CYP7A1: variants seen among roughly 807,000 people sequenced by gnomAD.
The protein encoded by CYP7A1 is cytochrome P450 7A1.
CYP7A1 carries 28 observed loss-of-function variants against 43.8 expected under a neutral mutation model. That is an observed-to-expected ratio of 0.64 (90% CI 0.47 to 0.88). CYP7A1 has a LOEUF of 0.88. Ranked by LOEUF, CYP7A1 falls within the 40% of genes least tolerant of loss-of-function variation. The pLI, the probability that CYP7A1 is intolerant of heterozygous loss-of-function variation, is 0.00. For missense variants in CYP7A1, 637 were observed against 611.9 expected, an observed-to-expected ratio of 1.04 and a Z score of -0.43; for synonymous variants, 227 against 222.5, an observed-to-expected ratio of 1.02 and a Z score of -0.18.
In CYP7A1 at chr8:58,492,598, C is replaced by T. The variant is rs1585641272; in HGVS notation, c.1040-70G>A. The T allele has an allele frequency of 4.5e-6, 6 of 1,345,606 alleles. No individual in the cohort carries two copies. The Admixed American group carries it at 5.6e-5, about 13-fold the overall frequency. The allele number at this position is 1,345,606 out of a possible 1,614,324, so 83.4% of individuals were successfully genotyped here. ...GGGAGGAAGGAAGAGAAGAACAAAC[C>T]AAGTGTTTGAAGGTCATATGATATA... On this transcript the variant is annotated intron_variant, in intron 4 of 5. Coordinates refer to ENST00000301645, the MANE Select transcript of CYP7A1 (RefSeq NM_000780.4).
At position 58,490,412 on chromosome 8, in the gene CYP7A1, C is replaced by T. The variant is rs184686288; in HGVS notation, c.*1063G>A. ...ACCTTAGTTTTTTTCATCTGCAAGT[C>T]ATTTAGCGATAAAAAGCATTTAAAT... On this transcript the variant is annotated 3_prime_UTR_variant, in exon 6 of 6. Transcript: ENST00000301645. The T allele has an allele frequency of 3.3e-5, 5 of 152,236 alleles. No homozygotes were observed. The East Asian group carries it at 9.6e-4, about 29-fold the overall frequency. The allele number at this position is 152,236 out of a possible 1,614,324, so 9.4% of individuals were successfully genotyped here.
chr8:58,494,602 C>T lies in CYP7A1; in HGVS notation c.943G>A (p.Val315Met), dbSNP rs147153175. ...PEAMKAATEE[V>M]KRTLENAGQK... ...CCAGCATTCTCTAATGTTCTTTTCA[C>T]TTCTTCAGTAGCTGCTTTCATTGCT... Residue 315 changes from valine (V) to methionine (M), a missense_variant, in exon 4 of 6, where the codon GTG (valine) becomes ATG (methionine). Val to Met is a conservative substitution (Grantham distance 21). Coordinates refer to ENST00000301645, the MANE Select transcript of CYP7A1 (RefSeq NM_000780.4). 1.7e-4 allele frequency: 272 copies of T among 1,613,944 alleles called. No individual in the cohort carries two copies. The highest frequency in any genetic ancestry group is 2.1e-4 in the Non-Finnish European group (252 of 1,179,982).
chr8:58,494,640 T>G lies in CYP7A1; in HGVS notation c.909-4A>C, dbSNP rs886044353. 6.2e-7 allele frequency: 1 copy of G among 1,613,738 alleles called. No homozygotes were observed. On this transcript the variant is annotated splice_polypyrimidine_tract_variant and splice_region_variant and intron_variant, in intron 3 of 5. Coordinates refer to ENST00000301645, the MANE Select transcript of CYP7A1 (RefSeq NM_000780.4). ...TGCTTTCATTGCTTCTGGGTTCCTATTAAAAGGTAAGAGAAAACATGTATG... is the reference window on the plus strand; with the variant it reads ...TGCTTTCATTGCTTCTGGGTTCCTAGTAAAAGGTAAGAGAAAACATGTATG...
In CYP7A1 at chr8:58,496,984, G is replaced by A. The variant is rs200845487; in HGVS notation, c.528C>T (p.Tyr176=). The stretch of plus-strand genomic sequence containing the variant: ...AATACCCAGCTTCAAACATCACTCG[G>A]TAGCAGAAAGAATACATCCCTTCTG... ...WVTEGMYSFC[Y]RVMFEAGYLT... The change falls in exon 3 of 6, where the codon TAC becomes TAT. Residue 176 remains tyrosine, a synonymous_variant. Transcript: ENST00000301645. The A allele has an allele frequency of 1.6e-5, 26 of 1,613,978 alleles. No individual in the cohort carries two copies. The highest frequency in any genetic ancestry group is 1.6e-4 in the Middle Eastern group (1 of 6,084).
At chr8:58,494,725 T>C in intron 3 of CYP7A1, 89 bp from the exon 4 acceptor site, 2 of 1,221,970 alleles carry the variant, frequency 1.6e-6, no homozygotes. Context: ...CTTTCCCCCT[T>C]CTTTTAACTA....
rs1205992032 is a variant in CYP7A1 at position 58,498,385 on chromosome 8, G to A, written c.165C>T (p.Phe55=). ...CATGTTTCCTTTGATTTGCTCTGAGGAACTCAAGAGGATTGGCACCAAATT... is the reference window on the plus strand; with the variant it reads ...CATGTTTCCTTTGATTTGCTCTGAGAAACTCAAGAGGATTGGCACCAAATT... ...ALQFGANPLE[F]LRANQRKHGH... The change falls in exon 2 of 6, where the codon TTC becomes TTT. Residue 55 remains phenylalanine, a synonymous_variant. Transcript: ENST00000301645. 1.2e-6 allele frequency: 2 copies of A among 1,614,082 alleles called. No individual in the cohort carries two copies. The highest frequency in any genetic ancestry group is 1.7e-5 in the Admixed American group (1 of 60,016).
At chr8:58,496,272 G>A (rs1274229924) in intron 3 of CYP7A1, among the ~76,000 whole-genome samples, 1 of 152,156 alleles carries the variant, frequency 6.6e-6, no homozygotes, top group Non-Finnish European at 1.5e-5. Context: ...AGTTGGCGTC[G>A]TGAAGAACAG....
chr8:58,499,881 C>T (rs1809504275), intron 1 of CYP7A1, 138 bp downstream of exon 1: 1 of 643,886 alleles, frequency 1.6e-6, no homozygotes, highest in Admixed American at 2.8e-5. Flanking sequence ...AAATTCAAAT[C>T]AAATTTTTCA....
At chr8:58,497,710 T>C (rs1467261857) in intron 2 of CYP7A1, among the ~76,000 whole-genome samples, 2 of 152,206 alleles carry the variant, frequency 1.3e-5, no homozygotes, top group African/African-American at 4.8e-5. Context: ...AACTTTAAGC[T>C]ACTTAGTCAC....
intron 2 of CYP7A1, among the ~76,000 whole-genome samples, 152 bp downstream of exon 2, chr8:58,498,076 AT>A (rs1809475452): frequency 6.6e-6 from 1 of 152,238 alleles, no homozygotes; most frequent in African/African-American, 2.4e-5. Flanking sequence ...GAAGCTACGT[AT>A]AATTTATTTA....
At chr8:58,493,034 G>C (rs1242026152) in intron 4 of CYP7A1, among the ~76,000 whole-genome samples, 1 of 152,194 alleles carries the variant, frequency 6.6e-6, no homozygotes, top group Non-Finnish European at 1.5e-5. Flanking sequence ...GCCTCCAAAA[G>C]TGCTTTGATT....
intron 2 of CYP7A1, 80 bp from the exon 3 acceptor site, chr8:58,497,270 C>T: frequency 2.6e-6 from 3 of 1,160,384 alleles, no homozygotes; most frequent in South Asian, 2.5e-5. Context: ...GGATTAGATA[C>T]TTTCATAGTT....
At position 58,491,468 on chromosome 8, in the gene CYP7A1, C is replaced by T; in HGVS notation, c.*7G>A. ...TCATCTAGTGTCCTCTTATTCCAGC[C>T]ATGTATTCACAAATGCTTGAATTTA... is the stretch of plus-strand genomic sequence containing the variant. On this transcript the variant is annotated 3_prime_UTR_variant, in exon 6 of 6. Coordinates refer to ENST00000301645, the MANE Select transcript of CYP7A1 (RefSeq NM_000780.4). The T allele has an allele frequency of 1.2e-6, 2 of 1,613,066 alleles. No individual in the cohort carries two copies. Among genetic ancestry groups the T allele is most frequent in the Non-Finnish European group, 1.7e-6 (2 of 1,179,282 alleles).
Position 58,490,935 on chromosome 8 carries a change from A to C in CYP7A1, c.*540T>G, listed in dbSNP as rs894780753. 4 of 153,586 alleles carry C rather than the reference A, an allele frequency of 2.6e-5. No individual in the cohort carries two copies. The highest frequency in any genetic ancestry group is 9.6e-5 in the African/African-American group (4 of 41,472). 9.5% of individuals were successfully genotyped at this position (153,586 alleles called of 1,614,324 possible). On this transcript the variant is annotated 3_prime_UTR_variant, in exon 6 of 6. Coordinates refer to ENST00000301645, the MANE Select transcript of CYP7A1 (RefSeq NM_000780.4). ...AGAACGTGAATTTGAACATTTTTTC[A>C]TAATTGTCAGGCAGTTTTATAAAAA...
rs182974752 is a variant in CYP7A1, at chr8:58,494,954, C to T, written c.909-318G>A. On this transcript the variant is annotated intron_variant, in intron 3 of 5. Coordinates refer to ENST00000301645, the MANE Select transcript of CYP7A1 (RefSeq NM_000780.4). The stretch of plus-strand genomic sequence containing the variant: ...TTTGAGACCAGCCTGACCAACATGG[C>T]GAAACCCTGTCTCTACTAAAAATAC... 9.8e-3 allele frequency among the ~76,000 whole-genome samples: 1,488 copies of T among 151,692 alleles called. 26 individuals are homozygous for T. The highest frequency in any genetic ancestry group is 0.034 in the African/African-American group (1,388 of 41,368).
At position 58,492,358 on chromosome 8, in the gene CYP7A1, G is replaced by T; in HGVS notation, c.1210C>A (p.Pro404Thr). The change falls in exon 5 of 6, where the codon CCT becomes ACT. Residue 404 changes from proline to threonine, a missense_variant. Coordinates refer to ENST00000301645, the MANE Select transcript of CYP7A1 (RefSeq NM_000780.4). The part of the protein sequence containing the change: ...MHLDPEIYPD[P>T]LTFKYDRYLD... ...TTCAATGGGCAGGCACTTACCAAAG[G>T]GTCTGGGTAGATTTCTGGATCTAAG... 2 of 1,613,002 alleles carry T rather than the reference G, an allele frequency of 1.2e-6. No homozygotes were observed. The highest frequency in any genetic ancestry group is 1.1e-5 in the South Asian group (1 of 91,050).
At position 58,496,598 on chromosome 8, in the gene CYP7A1, A is replaced by C. The variant is rs373514835; in HGVS notation, c.908+6T>G. On this transcript the variant is annotated splice_donor_region_variant and intron_variant, in intron 3 of 5. Coordinates refer to ENST00000301645, the MANE Select transcript of CYP7A1 (RefSeq NM_000780.4). ...AAAAAAAAGAAATGGATATGGCGTTAGTCACCTAATCATTTGAAATAAACT... is the reference window on the plus strand; with the variant it reads ...AAAAAAAAGAAATGGATATGGCGTTCGTCACCTAATCATTTGAAATAAACT... 3.5e-5 allele frequency: 56 copies of C among 1,604,690 alleles called. No individual in the cohort carries two copies. The highest frequency in any genetic ancestry group is 4.7e-5 in the Non-Finnish European group (55 of 1,171,888).
At chr8:58,493,389 C>T (rs367966705) in intron 4 of CYP7A1, among the ~76,000 whole-genome samples, 4 of 152,122 alleles carry the variant, frequency 2.6e-5, no homozygotes, top group Non-Finnish European at 5.9e-5. Flanking sequence ...TGCTGCGTGG[C>T]GATCACCGCT....
Position 58,491,202 on chromosome 8 carries a change from A to G in CYP7A1, c.*273T>C, listed in dbSNP as rs976990236. On this transcript the variant is annotated 3_prime_UTR_variant, in exon 6 of 6. Coordinates refer to ENST00000301645, the MANE Select transcript of CYP7A1 (RefSeq NM_000780.4). ...TTTTCCTTTGAAAATAATAAACTTC[A>G]ATCCCTGGCTATATGAACATTCATG... is the stretch of plus-strand genomic sequence containing the variant. 1.3e-4 allele frequency: 53 copies of G among 420,786 alleles called. No homozygotes were observed. Among genetic ancestry groups the G allele is most frequent in the Non-Finnish European group, 3.4e-5 (8 of 235,994 alleles). The allele number at this position is 420,786 out of a possible 1,614,324, so 26.1% of individuals were successfully genotyped here.
Sources: gnomAD v4.1 joint callset for allele counts (sites outside exome capture counted in the v4.1 genomes callset) on GRCh38, gnomAD v4.1.1 for gene constraint, MANE v1.5 for transcripts, NCBI Gene and HGNC (gene_info 2026-07-23, HGNC 2026-07-21) for gene names.